Variants in SIPA1L1 observed in about 807,000 individuals in gnomAD.
SIPA1L1 encodes signal-induced proliferation-associated 1-like protein 1.
Under a neutral mutation model 162.7 loss-of-function variants are expected in SIPA1L1, and 26 were observed. The ratio of observed to expected loss-of-function variants is 0.16; its 90% confidence interval spans 0.12 to 0.22. The LOEUF is 0.22. Among genes scored for constraint, SIPA1L1 ranks in the 10% least tolerant of loss-of-function variants. The pLI, the probability that SIPA1L1 is intolerant of heterozygous loss-of-function variation, is 1.00. For synonymous variants in SIPA1L1, 829 were observed against 837.4 expected (o/e 0.99, Z 0.17); for missense variants, 1,874 against 2,241.0 (o/e 0.84, Z 3.31).
intron 9 of SIPA1L1, among the ~76,000 whole-genome samples, chr14:71,660,427 C>G (rs765772608): frequency 6.6e-6 from 1 of 152,056 alleles, no homozygotes; most frequent in Admixed American, 6.6e-5. Context: ...TATTATTTCT[C>G]CCACCTGGCA....
At chr14:71,704,849 T>G (rs2082330640) in intron 15 of SIPA1L1, 1 of 1,062,044 alleles carries the variant, frequency 9.4e-7, no homozygotes, top group Admixed American at 1.7e-5. Flanking sequence ...CTAGGTAATG[T>G]AGACCAAGCT....
intron 5 of SIPA1L1, among the ~76,000 whole-genome samples, chr14:71,598,498 A>G (rs1596337782): frequency 1.3e-5 from 2 of 152,214 alleles, no homozygotes; most frequent in East Asian, 1.9e-4. Context: ...AAGAGGCACA[A>G]CCCCAGCCCA....
chr14:71,330,180 A>G (rs1407698765), intron 2 of SIPA1L1, among the ~76,000 whole-genome samples: 1 of 152,180 alleles, frequency 6.6e-6, no homozygotes, highest in Admixed American at 6.5e-5. Flanking sequence ...GGGAACTAAA[A>G]GTGCAATACA....
chr14:71,609,032 A>T (rs2037869762), intron 5 of SIPA1L1, among the ~76,000 whole-genome samples: 1 of 152,228 alleles, frequency 6.6e-6, no homozygotes, highest in African/African-American at 2.4e-5. Context: ...CATCAGTCTT[A>T]ATACATGCAT....
chr14:71,450,320 G>T (rs969323139), intron 2 of SIPA1L1, among the ~76,000 whole-genome samples: 4 of 152,090 alleles, frequency 2.6e-5, no homozygotes, highest in African/African-American at 9.7e-5. Flanking sequence ...TAAGGTGTCA[G>T]TTTATAGCTC....
At chr14:71,609,577 C>A (rs1010310862) in intron 5 of SIPA1L1, among the ~76,000 whole-genome samples, 2 of 151,950 alleles carry the variant, frequency 1.3e-5, no homozygotes, top group Non-Finnish European at 2.9e-5. Flanking sequence ...AGTGATTCTC[C>A]TGCCTCAGCC....
chr14:71,632,961 G>A (rs1190033376), intron 7 of SIPA1L1, among the ~76,000 whole-genome samples: 1 of 152,132 alleles, frequency 6.6e-6, no homozygotes. Flanking sequence ...TAAAATCACT[G>A]CTTATACCAA....
intron 2 of SIPA1L1, among the ~76,000 whole-genome samples, chr14:71,359,636 A>G (rs1281856087): frequency 6.6e-6 from 1 of 152,216 alleles, no homozygotes; most frequent in East Asian, 1.9e-4. Flanking sequence ...TGGTAAAATG[A>G]CAGATTCTCA....
chr14:71,345,636 C>T (rs973077443), intron 2 of SIPA1L1, among the ~76,000 whole-genome samples: 9 of 149,474 alleles, frequency 6.0e-5, no homozygotes, highest in African/African-American at 1.5e-4. Flanking sequence ...TGCAGTGGCG[C>T]GATCTTGGCT....
At chr14:71,723,565 C>A in intron 17 of SIPA1L1, 82 bp from the exon 18 acceptor site, 1 of 1,505,786 alleles carries the variant, frequency 6.6e-7, no homozygotes, top group Admixed American at 1.7e-5. Flanking sequence ...TCAACCCAGC[C>A]ATCACCCGTA....
At chr14:71,654,592 C>T (rs899149627) in intron 8 of SIPA1L1, among the ~76,000 whole-genome samples, 7 of 152,112 alleles carry the variant, frequency 4.6e-5, no homozygotes, top group African/African-American at 1.2e-4. Context: ...GTTATAAATG[C>T]AGTTGAGGTT....
intron 4 of SIPA1L1, chr14:71,573,591 G>A (rs1317151487): frequency 6.6e-6 from 3 of 456,646 alleles, no homozygotes; most frequent in Non-Finnish European, 1.3e-5. Flanking sequence ...AAGGAGGAAA[G>A]ATGCCCGAGA....
chr14:71,437,917 C>T (rs998943018), intron 2 of SIPA1L1, among the ~76,000 whole-genome samples: 2 of 152,110 alleles, frequency 1.3e-5, no homozygotes, highest in African/African-American at 4.8e-5. Context: ...TTAAAATATA[C>T]ACAGGCATGT....
At chr14:71,713,893 G>A (rs1299799749) in intron 17 of SIPA1L1, among the ~76,000 whole-genome samples, 1 of 150,056 alleles carries the variant, frequency 6.7e-6, no homozygotes, top group East Asian at 1.9e-4. Flanking sequence ...TTTTTTTTTA[G>A]TTACTAACAA....
intron 7 of SIPA1L1, among the ~76,000 whole-genome samples, chr14:71,639,197 A>G (rs1390315478): frequency 1.3e-5 from 2 of 152,216 alleles, no homozygotes; most frequent in African/African-American, 4.8e-5. Context: ...GCTTGAATCC[A>G]ATAGTTCAAG....
chr14:71,693,522 A>G (rs946291579), intron 13 of SIPA1L1, among the ~76,000 whole-genome samples: 5 of 152,110 alleles, frequency 3.3e-5, no homozygotes, highest in East Asian at 1.9e-4. Context: ...CAGGATTCCC[A>G]TGATCTAGTC....
chr14:71,545,043 A>G (rs2055056835), intron 4 of SIPA1L1, among the ~76,000 whole-genome samples: 1 of 152,086 alleles, frequency 6.6e-6, no homozygotes, highest in Non-Finnish European at 1.5e-5. Flanking sequence ...TTATTTTTGT[A>G]GAGGTGCTAT....
At chr14:71,543,803 AT>A (rs1567178329) in intron 4 of SIPA1L1, among the ~76,000 whole-genome samples, 1 of 149,128 alleles carries the variant, frequency 6.7e-6, no homozygotes, top group East Asian at 2.0e-4. Flanking sequence ...TATGTATATA[AT>A]GTATGTATAT....
chr14:71,523,835 G>A (rs2052599034), intron 3 of SIPA1L1, among the ~76,000 whole-genome samples: 1 of 152,074 alleles, frequency 6.6e-6, no homozygotes, highest in Non-Finnish European at 1.5e-5. Flanking sequence ...TTCCAGATGT[G>A]GCCTCTTCAG....
Sources: allele counts gnomAD v4.1 joint callset (sites outside exome capture counted in the v4.1 genomes callset), GRCh38; gene constraint gnomAD v4.1.1; transcripts MANE v1.5; gene names NCBI Gene and HGNC (gene_info 2026-07-23, HGNC 2026-07-21).